Variants in PIEZO2 observed in about 807,000 individuals in gnomAD.
PIEZO2 encodes the protein piezo-type mechanosensitive ion channel component 2.
Under a neutral mutation model 337.3 loss-of-function variants are expected in PIEZO2, and 172 were observed. That is an observed-to-expected ratio of 0.51 (90% confidence interval 0.45 to 0.58). The LOEUF is 0.58. Ranked by LOEUF, PIEZO2 falls within the 20% of genes least tolerant of loss-of-function variation. The pLI, the probability that PIEZO2 is intolerant of heterozygous loss-of-function variation, is 0.00. For synonymous variants in PIEZO2, 1,251 were observed against 1,228.5 expected (o/e 1.02, Z -0.38); for missense variants, 3,028 against 3,391.3 (o/e 0.89, Z 2.66).
At chr18:10,772,955 T>C (rs532169558) in intron 20 of PIEZO2, among the ~76,000 whole-genome samples, 1 of 152,236 alleles carries the variant, frequency 6.6e-6, no homozygotes. Flanking sequence ...CCAGTTCCCA[T>C]GTCCTTAGGC....
In PIEZO2 at chr18:10,979,649, G is replaced by A. The variant is rs142351929; in HGVS notation, c.172C>T (p.Arg58Trp). The change falls in exon 3 of 56, where the codon CGG becomes TGG. Residue 58 changes from arginine to tryptophan, a missense_variant. Arg to Trp is a moderately radical substitution (Grantham distance 101). Transcript: ENST00000674853. This position sits in a 1 kb window ranked among gnomAD's most constrained non-coding sequence, Gnocchi z 4.0. ...TKTTMQGHTGRLLKSLCFISL... is the reference protein window; with the variant it reads ...TKTTMQGHTGWLLKSLCFISL... ...ATGAAGCACAGAGACTTTAATAACC[G>A]TCCCGTATGTCCTAAGGGATAAAAA... 118 of 1,534,336 alleles carry A rather than the reference G, an allele frequency of 7.7e-5. No homozygotes were observed. Among genetic ancestry groups the A allele is most frequent in the East Asian group, 4.9e-4 (20 of 40,884 alleles).
chr18:10,919,325 A>C (rs1329629819), intron 3 of PIEZO2, among the ~76,000 whole-genome samples: 1 of 152,156 alleles, frequency 6.6e-6, no homozygotes, highest in Non-Finnish European at 1.5e-5. Flanking sequence ...CCCCGAATAG[A>C]ACTGATGAAT....
In PIEZO2 at chr18:10,673,280, T is replaced by C. The variant is rs115783991; in HGVS notation, c.8162-407A>G. The stretch of plus-strand genomic sequence containing the variant: ...TGTCTCATAGGAGGAAGGCACTCAA[T>C]TAGGTGCTAAAGGGTTCCAAAATTG... On this transcript the variant is annotated intron_variant, in intron 54 of 55. Transcript: ENST00000674853. This position sits in a 1 kb window ranked among gnomAD's most constrained non-coding sequence, Gnocchi z 4.8. Among the ~76,000 whole-genome samples the C allele has an allele frequency of 0.032, 4,800 of 152,298 alleles. 247 individuals carry two copies. The highest frequency in any genetic ancestry group is 0.11 in the African/African-American group (4,594 of 41,546).
chr18:10,926,962 C>T (rs1054980307), intron 3 of PIEZO2, among the ~76,000 whole-genome samples: 3 of 152,230 alleles, frequency 2.0e-5, no homozygotes, highest in African/African-American at 7.2e-5. Flanking sequence ...TCCTGCCGCA[C>T]AAGCTCTTCC....
At chr18:10,700,751 T>G (rs961521948) in intron 43 of PIEZO2, among the ~76,000 whole-genome samples, 1 of 152,228 alleles carries the variant, frequency 6.6e-6, no homozygotes, top group African/African-American at 2.4e-5. Context: ...TATTAATATG[T>G]TCATAACAAA....
rs1482881401 is a variant in PIEZO2, at chr18:10,707,907, C to T, written c.5588+368G>A. 6.6e-6 allele frequency among the ~76,000 whole-genome samples: 1 copy of T among 152,082 alleles called. No homozygotes were observed. Among genetic ancestry groups the T allele is most frequent in the East Asian group, 1.9e-4 (1 of 5,192 alleles). Reference sequence around the variant, plus strand: ...TACATCAAGAGAAGAAGTTTTCTACCTTTGCAAACAGAGTTCCCCCTTTGA... The same window carrying T: ...TACATCAAGAGAAGAAGTTTTCTACTTTTGCAAACAGAGTTCCCCCTTTGA... On this transcript the variant is annotated intron_variant, in intron 40 of 55. Coordinates refer to ENST00000674853, the MANE Select transcript of PIEZO2 (RefSeq NM_001378183.1). The surrounding 1 kb of genome is among the most constrained non-coding windows in gnomAD (Gnocchi z 4.2).
At chr18:10,695,494 G>A (rs1195237867) in intron 47 of PIEZO2, among the ~76,000 whole-genome samples, 1 of 152,174 alleles carries the variant, frequency 6.6e-6, no homozygotes, top group Non-Finnish European at 1.5e-5. Flanking sequence ...AACAGCAGCA[G>A]AGTCCAGCAG....
In PIEZO2 at chr18:11,143,627, ACACACACACACACTCTCTCTCTCT is replaced by A. The variant is rs2040722615; in HGVS notation, c.64+4874_64+4897del. On this transcript the variant is annotated intron_variant, in intron 1 of 55. Transcript: ENST00000674853. The surrounding 1 kb of genome is among the most constrained non-coding windows in gnomAD (Gnocchi z 4.9). ...CACACACACACACACACACACACACACACACACACACACTCTCTCTCTCTCTCTCTCTCTCTCTCTCTCTCACTC... is the reference window on the plus strand; with the variant it reads ...CACACACACACACACACACACACACACTCTCTCTCTCTCTCTCTCTCACTC... Among the ~76,000 whole-genome samples the A allele has an allele frequency of 1.9e-5, 2 of 107,932 alleles. No individual in the cohort carries two copies. Among genetic ancestry groups the A allele is most frequent in the African/African-American group, 1.2e-4 (2 of 16,668 alleles). The allele number at this position is 107,932 out of a possible 152,430, so 70.8% of individuals were successfully genotyped here.
intron 3 of PIEZO2, among the ~76,000 whole-genome samples, chr18:10,978,436 A>C (rs2034532342): frequency 6.6e-6 from 1 of 152,196 alleles, no homozygotes; most frequent in Non-Finnish European, 1.5e-5. Flanking sequence ...TTTTTAGAAA[A>C]CAACATACCT....
At chr18:10,831,352 A>T (rs556969145) in intron 7 of PIEZO2, among the ~76,000 whole-genome samples, 5 of 152,330 alleles carry the variant, frequency 3.3e-5, no homozygotes, top group African/African-American at 1.2e-4. Flanking sequence ...ATAAAAAAGA[A>T]TGAGATCCTG....
chr18:11,038,643 C>T lies in PIEZO2; in HGVS notation c.160+27484G>A, dbSNP rs1440577325. 6.6e-6 allele frequency among the ~76,000 whole-genome samples: 1 copy of T among 152,100 alleles called. No homozygotes were observed. Among genetic ancestry groups the T allele is most frequent in the Non-Finnish European group, 1.5e-5 (1 of 68,012 alleles). ...TCAGGAAAGAGCATTCCATCAGAGC[C>T]CAGAAACGTGGCTTCCTCTACTGGC... On this transcript the variant is annotated intron_variant, in intron 2 of 55. Coordinates refer to ENST00000674853, the MANE Select transcript of PIEZO2 (RefSeq NM_001378183.1). This position sits in a 1 kb window ranked among gnomAD's most constrained non-coding sequence, Gnocchi z 4.1.
At chr18:10,997,907 C>T (rs1011485886) in intron 2 of PIEZO2, among the ~76,000 whole-genome samples, 1 of 152,082 alleles carries the variant, frequency 6.6e-6, no homozygotes, top group African/African-American at 2.4e-5. Flanking sequence ...ATAATGTACA[C>T]ATTCAATAAG....
chr18:10,735,072 GT>G (rs1366625269), intron 35 of PIEZO2, among the ~76,000 whole-genome samples, 159 bp downstream of exon 35: 1 of 152,166 alleles, frequency 6.6e-6, no homozygotes, highest in African/African-American at 2.4e-5. Context: ...CTAAGAACTT[GT>G]TTTGGAAAAC....
intron 2 of PIEZO2, among the ~76,000 whole-genome samples, chr18:10,987,693 G>T (rs543800678): frequency 1.6e-4 from 24 of 151,790 alleles, no homozygotes; most frequent in South Asian, 4.2e-4. Flanking sequence ...AAAAATAAGT[G>T]TAATTACATG....
At chr18:11,093,711 C>T (rs1216805878) in intron 1 of PIEZO2, among the ~76,000 whole-genome samples, 3 of 151,390 alleles carry the variant, frequency 2.0e-5, no homozygotes, top group Admixed American at 2.0e-4. Flanking sequence ...CTCAGGCTCC[C>T]GAGTAGCTCG....
chr18:10,714,413 C>A (rs2035933206), intron 39 of PIEZO2, among the ~76,000 whole-genome samples: 1 of 152,160 alleles, frequency 6.6e-6, no homozygotes, highest in African/African-American at 2.4e-5. Flanking sequence ...ATGTAGAAGA[C>A]ACTGTGGATC....
At position 10,856,499 on chromosome 18, in the gene PIEZO2, T is replaced by C. The variant is rs1370695682; in HGVS notation, c.703+502A>G. Among the ~76,000 whole-genome samples the C allele has an allele frequency of 6.6e-6, 1 of 152,166 alleles. No homozygotes were observed. The highest frequency in any genetic ancestry group is 1.5e-5 in the Non-Finnish European group (1 of 68,036). ...GATAACATTATTATGGAATAAGCGG[T>C]CCAAGTCCAAAATTTAAAGGAAGTG... On this transcript the variant is annotated intron_variant, in intron 6 of 55. Coordinates refer to ENST00000674853, the MANE Select transcript of PIEZO2 (RefSeq NM_001378183.1). This position sits in a 1 kb window ranked among gnomAD's most constrained non-coding sequence, Gnocchi z 4.7.
chr18:10,675,704 T>A (rs1326965080), intron 53 of PIEZO2, among the ~76,000 whole-genome samples: 1 of 152,162 alleles, frequency 6.6e-6, no homozygotes, highest in Non-Finnish European at 1.5e-5. Flanking sequence ...TTTGGTTGTG[T>A]CCCCACCCAA....
chr18:10,692,574 G>A (rs1244556771), intron 47 of PIEZO2, among the ~76,000 whole-genome samples: 2 of 146,324 alleles, frequency 1.4e-5, no homozygotes, highest in Admixed American at 7.0e-5. Flanking sequence ...CCACACCCCC[G>A]TGGAGATATC....
Sources: gnomAD v4.1 joint callset for allele counts (sites outside exome capture counted in the v4.1 genomes callset) on GRCh38, gnomAD v4.1.1 for gene constraint, Gnocchi (gnomAD v3.1) non-coding constraint, MANE v1.5 for transcripts, NCBI Gene and HGNC (gene_info 2026-07-23, HGNC 2026-07-21) for gene names.